Variants in RPH3A observed in about 807,000 individuals in gnomAD.
RPH3A encodes rabphilin 3A, also known as rabphilin-3A.
Under a neutral mutation model 102.2 loss-of-function variants are expected in RPH3A, and 48 were observed. The ratio of observed to expected loss-of-function variants is 0.47; its 90% CI spans 0.37 to 0.60. The LOEUF is 0.60. Among genes scored for constraint, RPH3A ranks in the 20% least tolerant of loss-of-function variants. The probability of loss-of-function intolerance (pLI) is 0.00; values close to 1 mark genes in which losing one functional copy is unlikely to be tolerated. For missense variants in RPH3A, 781 were observed against 910.1 expected (o/e 0.86, Z 1.83); for synonymous variants, 310 against 324.3 (o/e 0.96, Z 0.47).
At chr12:112,661,395 G>A (rs1027389164) in intron 1 of RPH3A, among the ~76,000 whole-genome samples, 3 of 152,176 alleles carry the variant, frequency 2.0e-5, no homozygotes, top group Admixed American at 6.5e-5. Flanking sequence ...CTGACAAGGG[G>A]GATAACTACA....
intron 13 of RPH3A, 29 bp downstream of exon 13, chr12:112,876,895 T>C (rs1432890355): frequency 1.3e-6 from 2 of 1,527,752 alleles, no homozygotes; most frequent in Non-Finnish European, 8.8e-7. Context: ...AGAGGTATCT[T>C]GGAAAAATCA....
chr12:112,602,107 A>C (rs1416134875), intron 1 of RPH3A, among the ~76,000 whole-genome samples: 1 of 152,142 alleles, frequency 6.6e-6, no homozygotes, highest in African/African-American at 2.4e-5. Context: ...TTTACTTCTT[A>C]ATCTGCTCCT....
chr12:112,745,940 T>C (rs756329454), intron 1 of RPH3A, among the ~76,000 whole-genome samples: 1 of 152,130 alleles, frequency 6.6e-6, no homozygotes, highest in Non-Finnish European at 1.5e-5. Flanking sequence ...TGTAGATGCC[T>C]CTTTAAGAGG....
intron 5 of RPH3A, among the ~76,000 whole-genome samples, chr12:112,848,829 G>A (rs1361896006): frequency 6.6e-6 from 1 of 152,080 alleles, no homozygotes; most frequent in African/African-American, 2.4e-5. Context: ...AAAATGTGGG[G>A]CATCATCAGG....
intron 1 of RPH3A, among the ~76,000 whole-genome samples, chr12:112,598,677 T>C (rs984500247): frequency 3.3e-5 from 5 of 152,110 alleles, no homozygotes; most frequent in Admixed American, 2.0e-4. Context: ...AGGGAGATAA[T>C]GCACACAAAG....
chr12:112,790,485 T>A (rs1022482577), upstream of RPH3A, among the ~76,000 whole-genome samples: 1 of 152,194 alleles, frequency 6.6e-6, no homozygotes, highest in Non-Finnish European at 1.5e-5. Flanking sequence ...GATGGGAAGC[T>A]TTAGATATGA....
chr12:112,706,637 G>T (rs1280652790), intron 1 of RPH3A, among the ~76,000 whole-genome samples: 2 of 152,180 alleles, frequency 1.3e-5, no homozygotes. Context: ...AGGTGAAGAT[G>T]GTGGATGGGT....
chr12:112,630,051 A>G (rs1011961037), intron 1 of RPH3A, among the ~76,000 whole-genome samples: 2 of 151,746 alleles, frequency 1.3e-5, no homozygotes, highest in Non-Finnish European at 2.9e-5. Flanking sequence ...TGAAGTCCAT[A>G]TGTTTTGTTT....
At chr12:112,858,237 G>A (rs190151546) in intron 5 of RPH3A, among the ~76,000 whole-genome samples, 16 of 133,048 alleles carry the variant, frequency 1.2e-4, no homozygotes, top group African/African-American at 1.7e-4. Flanking sequence ...ACTGCACTCC[G>A]GCCTGGGTGA....
intron 1 of RPH3A, among the ~76,000 whole-genome samples, chr12:112,773,497 G>A (rs1161863739): frequency 6.6e-6 from 1 of 151,620 alleles, no homozygotes; most frequent in African/African-American, 2.4e-5. Flanking sequence ...AATAAGTATA[G>A]GCTGATGAAA....
chr12:112,701,251 G>A (rs974550273), intron 1 of RPH3A, among the ~76,000 whole-genome samples: 1 of 152,196 alleles, frequency 6.6e-6, no homozygotes, highest in Admixed American at 6.5e-5. Context: ...CAGAAAAAGA[G>A]GTCACCTTAC....
chr12:112,689,864 A>T (rs1344998882), intron 1 of RPH3A, among the ~76,000 whole-genome samples: 1 of 152,038 alleles, frequency 6.6e-6, no homozygotes, highest in Non-Finnish European at 1.5e-5. Flanking sequence ...AGGTAATGAA[A>T]CCTTAAGCTC....
intron 1 of RPH3A, among the ~76,000 whole-genome samples, chr12:112,774,234 A>G (rs2040949037): frequency 6.6e-6 from 1 of 152,170 alleles, no homozygotes. Flanking sequence ...ACAGAGATAG[A>G]TATTTTGGAT....
At chr12:112,588,174 T>G (rs1347058518) in intron 1 of RPH3A, among the ~76,000 whole-genome samples, 1 of 152,196 alleles carries the variant, frequency 6.6e-6, no homozygotes, top group East Asian at 1.9e-4. Flanking sequence ...AGCAAATGAA[T>G]GAACAAAAAC....
intron 1 of RPH3A, among the ~76,000 whole-genome samples, chr12:112,686,268 T>C (rs562807139): frequency 6.7e-6 from 1 of 150,330 alleles, no homozygotes; most frequent in Non-Finnish European, 1.5e-5. Context: ...ATAATGGAGT[T>C]TTCCCCCTTC....
chr12:112,725,232 G>A (rs1281028172), intron 1 of RPH3A, among the ~76,000 whole-genome samples: 5 of 110,896 alleles, frequency 4.5e-5, no homozygotes, highest in African/African-American at 1.7e-4. Context: ...CTAGGTGACA[G>A]AGCAAGACTT....
rs772237822 is a variant in RPH3A, at chr12:112,678,303, A to AAGAG, written c.-140+102996_-140+102999dup. 2.6e-3 allele frequency among the ~76,000 whole-genome samples: 128 copies of AAGAG among 50,180 alleles called. 15 individuals are homozygous for AAGAG. Among genetic ancestry groups the AAGAG allele is most frequent in the Middle Eastern group, 0.011 (1 of 88 alleles). The allele number at this position is 50,180 out of a possible 152,430, so 32.9% of individuals were successfully genotyped here. On this transcript the variant is annotated intron_variant, in intron 1 of 21. Transcript: ENST00000543106. ...AAAGAAAGAAAGAAAGAAAGAAAGA[A>AAGAG]AGAGAGAGAGAGAGAAAGAAAGAAA...
At chr12:112,696,707 T>C (rs1481537400) in intron 1 of RPH3A, among the ~76,000 whole-genome samples, 2 of 152,356 alleles carry the variant, frequency 1.3e-5, no homozygotes, top group African/African-American at 4.8e-5. Context: ...TGTGCAGCTC[T>C]AGATAACTCA....
At chr12:112,827,878 C>T (rs1329664661) in intron 2 of RPH3A, among the ~76,000 whole-genome samples, 6 of 142,906 alleles carry the variant, frequency 4.2e-5, no homozygotes, top group African/African-American at 1.6e-4. Context: ...GCATATGTAT[C>T]CCGGAACTTA....
Sources: allele counts gnomAD v4.1 joint callset (sites outside exome capture counted in the v4.1 genomes callset), GRCh38; gene constraint gnomAD v4.1.1; transcripts MANE v1.5; gene names NCBI Gene and HGNC (gene_info 2026-07-23, HGNC 2026-07-21).